RGS3: variants seen among roughly 807,000 people sequenced by gnomAD.
The protein encoded by RGS3 is regulator of G-protein signalling 3.
A neutral mutation model predicts 132.6 loss-of-function variants in RGS3; 80 were observed. The ratio of observed to expected loss-of-function variants is 0.60; its 90% confidence interval spans 0.50 to 0.73. The LOEUF is 0.73. RGS3 is among the 30% of genes least tolerant of loss of function. The pLI, the probability that RGS3 is intolerant of heterozygous loss-of-function variation, is 0.00. For missense variants in RGS3, 1,382 were observed against 1,530.8 expected (o/e 0.90, Z 1.62); for synonymous variants, 598 against 620.6 (o/e 0.96, Z 0.54).
At chr9:113,533,122 G>A (rs571380726) in intron 18 of RGS3, among the ~76,000 whole-genome samples, 1 of 152,300 alleles carries the variant, frequency 6.6e-6, no homozygotes, top group South Asian at 2.1e-4. Context: ...GTCCTTAGCT[G>A]CTCTGAACCT....
exon 3 of RGS3, chr9:113,462,196 G>A (rs763324515): frequency 1.9e-6 from 3 of 1,612,914 alleles, no homozygotes; most frequent in East Asian, 4.5e-5. Flanking sequence ...AAAGTCCAGG[G>A]TGCAGGTAAG....
rs1829186009 is a variant in RGS3 at position 113,449,233 on chromosome 9, T to C, written c.-13+4306T>C. Among the ~76,000 whole-genome samples the C allele has an allele frequency of 3.9e-5, 6 of 152,168 alleles. No individual in the cohort carries two copies. The South Asian group carries it at 1.2e-3, about 32-fold the overall frequency. ...TGGGAGGTGATCAGGGCCTGAATTA[T>C]GTAGATGTCAATAAGAATGGAGACA... On this transcript the variant is annotated intron_variant, in intron 1 of 25. Coordinates refer to the RGS3 transcript ENST00000374140.
chr9:113,543,794 C>T (rs1215896325), intron 19 of RGS3, among the ~76,000 whole-genome samples: 3 of 152,184 alleles, frequency 2.0e-5, no homozygotes, highest in African/African-American at 7.2e-5. Context: ...CCCAGCCTGT[C>T]CTGACAAGCT....
upstream of RGS3, among the ~76,000 whole-genome samples, chr9:113,459,974 G>C (rs952516746): frequency 6.6e-6 from 1 of 150,976 alleles, no homozygotes; most frequent in South Asian, 2.1e-4. Flanking sequence ...TTGGGAGGCG[G>C]AGGTTGCAGT....
intron 14 of RGS3, among the ~76,000 whole-genome samples, chr9:113,513,408 C>T (rs930511159): frequency 1.3e-5 from 2 of 152,132 alleles, no homozygotes; most frequent in African/African-American, 2.4e-5. Context: ...GTGGCCAAGC[C>T]GGAGTACCTC....
chr9:113,572,520 A>T (rs78575160), intron 19 of RGS3, among the ~76,000 whole-genome samples: 1 of 151,818 alleles, frequency 6.6e-6, no homozygotes, highest in African/African-American at 2.4e-5. Flanking sequence ...TCTTTTTTTT[A>T]CTGGATGGGC....
At chr9:113,520,671 T>C (rs16905607) in intron 16 of RGS3, among the ~76,000 whole-genome samples, 2,652 of 152,042 alleles carry the variant, frequency 0.017, 34 homozygotes, top group Non-Finnish European at 0.028. Flanking sequence ...GCGACACGTT[T>C]TGTGGGACCC....
intron 19 of RGS3, among the ~76,000 whole-genome samples, chr9:113,578,572 C>T (rs1289091481): frequency 2.6e-5 from 4 of 151,638 alleles, no homozygotes; most frequent in African/African-American, 7.3e-5. Context: ...GAGCTGGTGG[C>T]GGAGGAAGGA....
chr9:113,563,409 C>T (rs1280641049), intron 19 of RGS3, among the ~76,000 whole-genome samples: 1 of 152,214 alleles, frequency 6.6e-6, no homozygotes, highest in Non-Finnish European at 1.5e-5. Context: ...TCAGCTGAAG[C>T]TCGAGGGCAC....
chr9:113,529,044 G>A (rs1832348520), intron 17 of RGS3, among the ~76,000 whole-genome samples, 177 bp from the exon 16 acceptor site: 1 of 152,162 alleles, frequency 6.6e-6, no homozygotes. Context: ...CATTACCCTG[G>A]TTAGTTACGT....
chr9:113,518,187 A>G (rs1429338392), intron 16 of RGS3, among the ~76,000 whole-genome samples: 1 of 152,204 alleles, frequency 6.6e-6, no homozygotes, highest in Non-Finnish European at 1.5e-5. Context: ...ACACAACCCC[A>G]GAGCTGGTCA....
At chr9:113,596,550 G>A (rs550696489) in intron 24 of RGS3, among the ~76,000 whole-genome samples, 1 of 152,310 alleles carries the variant, frequency 6.6e-6, no homozygotes, top group Admixed American at 6.5e-5. Flanking sequence ...AACCCTCAGG[G>A]TGGTATTTTC....
rs1201261909 is a variant in RGS3, at chr9:113,522,737, G to A, written c.1759-193G>A. The A allele has an allele frequency of 4.7e-5, 28 of 594,604 alleles. 1 individual carries two copies. In the East Asian group the frequency reaches 7.6e-4, roughly 16 times the overall value. 36.8% of individuals were successfully genotyped at this position (594,604 alleles called of 1,614,324 possible). On this transcript the variant is annotated intron_variant, in intron 16 of 24. Transcript: ENST00000350696. ...GAAGTATAGGAAGCTGGAGGGTGATGGGGCCATCTTGACTGCAGGTCAGGA... is the reference window on the plus strand; with the variant it reads ...GAAGTATAGGAAGCTGGAGGGTGATAGGGCCATCTTGACTGCAGGTCAGGA...
chr9:113,477,324 G>A (rs1830025154), intron 3 of RGS3, among the ~76,000 whole-genome samples: 1 of 152,184 alleles, frequency 6.6e-6, no homozygotes, highest in African/African-American at 2.4e-5. Flanking sequence ...TCTGAGATCT[G>A]GGTCCTGGAC....
At chr9:113,450,446 T>A (rs1829214943) in intron 1 of RGS3, among the ~76,000 whole-genome samples, 1 of 152,174 alleles carries the variant, frequency 6.6e-6, no homozygotes. Flanking sequence ...CGTCAGTCAC[T>A]GCATTGGAGC....
intron 19 of RGS3, among the ~76,000 whole-genome samples, chr9:113,575,728 CGTCA>C (rs1202931109): frequency 6.6e-6 from 1 of 152,150 alleles, no homozygotes; most frequent in African/African-American, 2.4e-5. Context: ...AGAATTGTCT[CGTCA>C]GTCAGAAAGA....
At chr9:113,530,641 G>A (rs923509490) in intron 18 of RGS3, among the ~76,000 whole-genome samples, 4 of 152,242 alleles carry the variant, frequency 2.6e-5, no homozygotes, top group African/African-American at 9.6e-5. Flanking sequence ...TCCAGGTTGG[G>A]TTAGTTTTTT....
At position 113,506,316 on chromosome 9, in the gene RGS3, A is replaced by G; in HGVS notation, c.980-72A>G. On this transcript the variant is annotated intron_variant, in intron 11 of 24. Coordinates refer to ENST00000350696, the Ensembl canonical transcript of RGS3. This position sits in a 1 kb window ranked among gnomAD's most constrained non-coding sequence, Gnocchi z 4.7. ...CCTTGTCTGAGGTCACCATGGCAGC[A>G]AAGGACTCCAGATCCTTTGAAGGGG... is the stretch of plus-strand genomic sequence containing the variant. 1.1e-6 allele frequency: 1 copy of G among 930,138 alleles called. No homozygotes were observed. Among genetic ancestry groups the G allele is most frequent in the Non-Finnish European group, 1.7e-6 (1 of 591,526 alleles). 57.6% of individuals were successfully genotyped at this position (930,138 alleles called of 1,614,324 possible).
chr9:113,553,955 A>G (rs1833466593), intron 19 of RGS3, among the ~76,000 whole-genome samples: 1 of 152,238 alleles, frequency 6.6e-6, no homozygotes, highest in Admixed American at 6.5e-5. Context: ...GATTGTTTCT[A>G]ATGTTTTGAT....
Sources: allele counts gnomAD v4.1 joint callset (sites outside exome capture counted in the v4.1 genomes callset), GRCh38; gene constraint gnomAD v4.1.1; non-coding constraint Gnocchi (gnomAD v3.1); transcripts MANE v1.5; gene names NCBI Gene and HGNC (gene_info 2026-07-23, HGNC 2026-07-21).